SHLD2: variants seen among roughly 807,000 people sequenced by gnomAD.
SHLD2 encodes the protein RINN1-REV7-interacting novel NHEJ regulator 2.
A neutral mutation model predicts 73.2 loss-of-function variants in SHLD2; 30 were observed. The observed-to-expected ratio is 0.41, with a 90% CI of 0.31 to 0.56. The LOEUF (loss-of-function observed/expected upper bound fraction) is 0.56, where lower values mean the gene tolerates loss of function less well. Ranked by LOEUF, SHLD2 falls within the 20% of genes least tolerant of loss-of-function variation. The probability of loss-of-function intolerance (pLI) is 0.28; values close to 1 mark genes in which losing one functional copy is unlikely to be tolerated. For missense variants in SHLD2, 745 were observed against 1,055.9 expected (o/e 0.71, Z 4.08); for synonymous variants, 285 against 370.1 (o/e 0.77, Z 2.64).
intron 2 of SHLD2, among the ~76,000 whole-genome samples, chr10:87,117,265 C>G (rs572343061): frequency 6.6e-6 from 1 of 152,014 alleles, no homozygotes; most frequent in South Asian, 2.1e-4. Flanking sequence ...ATTAAAAATA[C>G]AAAATTAGCT....
intron 3 of SHLD2, among the ~76,000 whole-genome samples, chr10:87,155,349 GATTCA>G (rs1349256443): frequency 8.1e-4 from 122 of 151,156 alleles, no homozygotes; most frequent in Admixed American, 8.0e-3. Context: ...TATTATTGGA[GATTCA>G]ATTCACCTAA....
chr10:87,135,642 T>C (rs1441782743), intron 2 of SHLD2, among the ~76,000 whole-genome samples: 1 of 150,486 alleles, frequency 6.6e-6, no homozygotes, highest in Non-Finnish European at 1.5e-5. Flanking sequence ...TACAGATGCA[T>C]GCCACCACAC....
rs1410660271 is a variant in SHLD2 at position 87,116,731 on chromosome 10, C to T, written c.-6+19742C>T. Among the ~76,000 whole-genome samples the T allele has an allele frequency of 3.9e-5, 6 of 152,148 alleles. No homozygotes were observed. In the East Asian group the frequency reaches 5.8e-4, roughly 15 times the overall value. On this transcript the variant is annotated intron_variant, in intron 2 of 9. Transcript: ENST00000298786. ...AAAAAATGGAATCATGGATTTTTCA[C>T]GGCTGTGGTATATATATTTGTATGA...
chr10:87,105,153 C>T (rs1249091991), intron 2 of SHLD2, among the ~76,000 whole-genome samples: 2 of 152,108 alleles, frequency 1.3e-5, no homozygotes, highest in Non-Finnish European at 2.9e-5. Context: ...AATCTTTATC[C>T]TATCTTGAGC....
chr10:87,159,084 A>C (rs1189104015), intron 4 of SHLD2, among the ~76,000 whole-genome samples: 3 of 152,178 alleles, frequency 2.0e-5, no homozygotes, highest in Non-Finnish European at 4.4e-5. Context: ...ATCATACAAG[A>C]AAATAGCTAG....
chr10:87,128,069 T>G (rs2134131646), intron 2 of SHLD2, among the ~76,000 whole-genome samples: 1 of 152,306 alleles, frequency 6.6e-6, no homozygotes, highest in Middle Eastern at 3.4e-3. Flanking sequence ...AACCTTAATT[T>G]TTTTTCCCCT....
intron 3 of SHLD2, 80 bp downstream of exon 3, chr10:87,152,959 T>C: frequency 7.5e-7 from 1 of 1,330,106 alleles, no homozygotes; most frequent in Non-Finnish European, 1.0e-6. Context: ...CACTTAGTCT[T>C]TGAAGACTCT....
chr10:87,139,644 A>G (rs1845041074), intron 2 of SHLD2, among the ~76,000 whole-genome samples: 1 of 152,242 alleles, frequency 6.6e-6, no homozygotes, highest in South Asian at 2.1e-4. Flanking sequence ...CTTGCCCAAC[A>G]TGGCAAAACC....
chr10:87,143,894 C>T (rs1845389294), intron 2 of SHLD2, among the ~76,000 whole-genome samples: 3 of 138,384 alleles, frequency 2.2e-5, no homozygotes, highest in East Asian at 4.1e-4. Flanking sequence ...GACGGAGTCT[C>T]ACTCTGTCGC....
At chr10:87,125,504 G>C (rs994782194) in intron 2 of SHLD2, among the ~76,000 whole-genome samples, 121 of 152,244 alleles carry the variant, frequency 7.9e-4, no homozygotes, top group Admixed American at 3.3e-4. Context: ...GGGAGGCCAA[G>C]GCGGCAGATC....
At chr10:87,108,811 C>T (rs1324184421) in intron 2 of SHLD2, among the ~76,000 whole-genome samples, 1 of 152,132 alleles carries the variant, frequency 6.6e-6, no homozygotes, top group Non-Finnish European at 1.5e-5. Flanking sequence ...CACCCCTTCC[C>T]TTTTTTTCCC....
Position 87,105,655 on chromosome 10 carries a change from A to G in SHLD2, c.-6+8666A>G, listed in dbSNP as rs144259513. Among the ~76,000 whole-genome samples the G allele has an allele frequency of 8.3e-4, 127 of 152,234 alleles. 3 individuals are homozygous for G. The East Asian group carries it at 0.021, about 25-fold the overall frequency. ...GACTCAATGATACCATCAGATACCT[A>G]CTCTGCTCTTCTCTCTGTTACACAT... On this transcript the variant is annotated intron_variant, in intron 2 of 9. Coordinates refer to ENST00000298786, the MANE Select transcript of SHLD2 (RefSeq NM_001330112.2).
intron 2 of SHLD2, among the ~76,000 whole-genome samples, chr10:87,125,101 A>G (rs1234016441): frequency 1.3e-5 from 2 of 152,204 alleles, no homozygotes; most frequent in African/African-American, 2.4e-5. Flanking sequence ...TTGAATTTCA[A>G]AGCAGAAGGG....
chr10:87,145,042 G>A (rs1269144581), intron 2 of SHLD2, among the ~76,000 whole-genome samples: 1 of 143,098 alleles, frequency 7.0e-6, no homozygotes, highest in African/African-American at 2.6e-5. Context: ...CCGGGTTCAC[G>A]CCATTCTTCT....
At chr10:87,110,999 A>C (rs1842883986) in intron 2 of SHLD2, among the ~76,000 whole-genome samples, 1 of 151,612 alleles carries the variant, frequency 6.6e-6, no homozygotes, top group African/African-American at 2.4e-5. Flanking sequence ...GCGCACCACC[A>C]CGCCTGGCTA....
intron 4 of SHLD2, 77 bp from the exon 5 acceptor site, chr10:87,170,401 G>T (rs1847511585): frequency 5.7e-6 from 6 of 1,054,020 alleles, no homozygotes; most frequent in Non-Finnish European, 8.2e-6. Context: ...ATAAAATACA[G>T]TTCTAAAAAA....
intron 2 of SHLD2, among the ~76,000 whole-genome samples, chr10:87,102,883 C>T (rs1392599383): frequency 6.6e-6 from 1 of 151,832 alleles, no homozygotes; most frequent in African/African-American, 2.4e-5. Flanking sequence ...AAAGAGATTA[C>T]TTTTTCTGAG....
chr10:87,112,527 G>A (rs1320937592), intron 2 of SHLD2, among the ~76,000 whole-genome samples: 2 of 151,418 alleles, frequency 1.3e-5, no homozygotes, highest in Admixed American at 6.6e-5. Context: ...CCAGCTAGTC[G>A]AGAAGCTGAG....
chr10:87,153,255 C>CA (rs1371414010), intron 3 of SHLD2, among the ~76,000 whole-genome samples: 1 of 152,078 alleles, frequency 6.6e-6, no homozygotes, highest in Admixed American at 6.6e-5. Flanking sequence ...CCCGTCTCTA[C>CA]AAAAAATAAA....
Sources: allele counts gnomAD v4.1 joint callset (sites outside exome capture counted in the v4.1 genomes callset), GRCh38; gene constraint gnomAD v4.1.1; transcripts MANE v1.5; gene names NCBI Gene and HGNC (gene_info 2026-07-23, HGNC 2026-07-21).